PTK7: variants seen among roughly 807,000 people sequenced by gnomAD.
PTK7 encodes the protein protein tyrosine kinase 7 (inactive), also known as inactive tyrosine-protein kinase 7.
Under a neutral mutation model 116.6 loss-of-function variants are expected in PTK7, and 39 were observed. The ratio of observed to expected loss-of-function variants is 0.33; its 90% CI spans 0.26 to 0.44. The LOEUF is 0.44. Among genes scored for constraint, PTK7 ranks in the 20% least tolerant of loss-of-function variants. PTK7 has a pLI of 1.00. For missense variants in PTK7, 1,169 were observed against 1,425.6 expected (o/e 0.82, Z 2.90); for synonymous variants, 546 against 563.6 (o/e 0.97, Z 0.44).
At position 43,129,159 on chromosome 6, in the gene PTK7, G is replaced by T; in HGVS notation, c.262G>T (p.Ala88Ser). Residue 88 changes from alanine (A) to serine (S), a missense_variant, in exon 2 of 20, where the codon GCA (alanine) becomes TCA (serine). By Grantham distance (99) the Ala-to-Ser change is moderately conservative (BLOSUM62 1). Coordinates refer to ENST00000230419, the MANE Select transcript of PTK7 (RefSeq NM_002821.5). This position sits in a 1 kb window ranked among gnomAD's most constrained non-coding sequence, Gnocchi z 4.5. ...RFAQGSSLSF[A>S]AVDRLQDSGT... ...CGCCCAGGGCAGCAGCCTGAGCTTT[G>T]CAGCTGTGGACCGGCTGCAGGACTC... 1 of 1,614,232 alleles carries T rather than the reference G, an allele frequency of 6.2e-7. No individual in the cohort carries two copies. The highest frequency in any genetic ancestry group is 8.5e-7 in the Non-Finnish European group (1 of 1,180,054).
intron 1 of PTK7, among the ~76,000 whole-genome samples, chr6:43,099,874 A>G (rs1767469967): frequency 6.6e-6 from 1 of 151,984 alleles, no homozygotes; most frequent in East Asian, 2.0e-4. Flanking sequence ...GTTCGAGACC[A>G]GCTTTTGAGA....
Position 43,132,146 on chromosome 6 carries a change from G to A in PTK7, c.943G>A (p.Ala315Thr). Reference sequence around the variant, plus strand: ...GAGGGGCCCACCCATCATCCTGGAAGCCACACTTCACCTAGCAGGTGAGTC... The same window carrying A: ...GAGGGGCCCACCCATCATCCTGGAAACCACACTTCACCTAGCAGGTGAGTC... ...GQRGPPIILE[A>T]TLHLAEIEDM... Residue 315 changes from alanine (A) to threonine (T), a missense_variant, in exon 6 of 20, where the codon GCC becomes ACC. This residue lies in a region of PTK7 where 487 missense variants were observed against 549.8 expected (regional missense o/e 0.89). Transcript: ENST00000230419. 6.2e-7 allele frequency: 1 copy of A among 1,611,150 alleles called. No homozygotes were observed. Among genetic ancestry groups the A allele is most frequent in the Non-Finnish European group, 8.5e-7 (1 of 1,177,762 alleles).
chr6:43,131,601 G>A (rs993160017), intron 5 of PTK7: 9 of 221,736 alleles, frequency 4.1e-5, no homozygotes, highest in African/African-American at 1.2e-4. Context: ...ATCAGATCTC[G>A]TGAGACTTGT....
rs373692805 is a variant in PTK7, at chr6:43,145,270, G to C, written c.2478G>C (p.Leu826=). The C allele has an allele frequency of 6.2e-7, 1 of 1,613,900 alleles. No homozygotes were observed. Among genetic ancestry groups the C allele is most frequent in the African/African-American group, 1.3e-5 (1 of 74,914 alleles). ...QGLEEGVAET[L]VLVKSLQSKD... ...TGGAGGAGGGAGTGGCAGAGACCCT[G>C]GTACTTGTGAAGAGCCTGCAGAGCA... The change falls in exon 16 of 20, where the codon CTG becomes CTC. Residue 826 remains leucine (L), a synonymous_variant. Coordinates refer to ENST00000230419, the MANE Select transcript of PTK7 (RefSeq NM_002821.5). The surrounding 1 kb of genome is among the most constrained non-coding windows in gnomAD (Gnocchi z 4.8).
At chr6:43,111,854 T>TA (rs397733741) in intron 1 of PTK7, among the ~76,000 whole-genome samples, 10 of 150,486 alleles carry the variant, frequency 6.6e-5, no homozygotes, top group Non-Finnish European at 1.3e-4. Context: ...TTTTTTTTTT[T>TA]AATATTTAGT....
Position 43,141,573 on chromosome 6 carries a change from G to A in PTK7, c.1619-95G>A, listed in dbSNP as rs1423350603. ...TTGCCTGTGGGTGGTCAGGAGCGAT[G>A]GTGTGTTTTTGAGTAGAGGTGAGGG... is the stretch of plus-strand genomic sequence containing the variant. On this transcript the variant is annotated intron_variant, in intron 10 of 19. Transcript: ENST00000230419. This position sits in a 1 kb window ranked among gnomAD's most constrained non-coding sequence, Gnocchi z 4.9. The A allele has an allele frequency of 7.0e-6, 10 of 1,425,202 alleles. No homozygotes were observed. The highest frequency in any genetic ancestry group is 9.6e-6 in the Non-Finnish European group (10 of 1,041,192). The allele number at this position is 1,425,202 out of a possible 1,614,324, so 88.3% of individuals were successfully genotyped here.
chr6:43,120,019 T>C (rs909670713), intron 1 of PTK7, among the ~76,000 whole-genome samples: 1 of 152,164 alleles, frequency 6.6e-6, no homozygotes. Flanking sequence ...AGGCAGACTT[T>C]TGTGTGTCTA....
intron 1 of PTK7, among the ~76,000 whole-genome samples, chr6:43,077,400 A>G (rs1245107662): frequency 6.6e-6 from 1 of 152,210 alleles, no homozygotes; most frequent in Non-Finnish European, 1.5e-5. Flanking sequence ...GAAGAAAGGC[A>G]AAAAGAGCTC....
intron 1 of PTK7, among the ~76,000 whole-genome samples, chr6:43,104,772 C>T (rs1010024098): frequency 2.0e-5 from 3 of 149,534 alleles, no homozygotes; most frequent in African/African-American, 4.9e-5. Flanking sequence ...AGATATTAAG[C>T]ATCAGTGTTG....
intron 1 of PTK7, among the ~76,000 whole-genome samples, chr6:43,118,626 T>TCC (rs1768713445): frequency 1.6e-5 from 1 of 61,562 alleles, no homozygotes; most frequent in African/African-American, 8.8e-5. Context: ...TTAACCTCTC[T>TCC]CTCTCTCTCT....
At position 43,129,930 on chromosome 6, in the gene PTK7, A is replaced by T. The variant is rs779856229; in HGVS notation, c.470+101A>T. 6 of 1,170,352 alleles carry T rather than the reference A, an allele frequency of 5.1e-6. No individual in the cohort carries two copies. The highest frequency in any genetic ancestry group is 2.0e-5 in the Admixed American group (1 of 50,432). The allele number at this position is 1,170,352 out of a possible 1,614,324, so 72.5% of individuals were successfully genotyped here. The stretch of plus-strand genomic sequence containing the variant: ...GGATGTTACCTCGCTCCATTCTGTG[A>T]CCACTCGTTCCACCACCACAGTGCT... On this transcript the variant is annotated intron_variant, in intron 3 of 19. Coordinates refer to ENST00000230419, the MANE Select transcript of PTK7 (RefSeq NM_002821.5). This position sits in a 1 kb window ranked among gnomAD's most constrained non-coding sequence, Gnocchi z 4.5.
intron 1 of PTK7, among the ~76,000 whole-genome samples, chr6:43,090,547 G>T (rs114066543): frequency 0.013 from 2,031 of 152,286 alleles, 48 homozygotes; most frequent in African/African-American, 0.045. Context: ...AGGGTTTATG[G>T]TTAGGTGGGT....
intron 10 of PTK7, among the ~76,000 whole-genome samples, chr6:43,140,674 G>C (rs187489264): frequency 6.6e-6 from 1 of 152,002 alleles, no homozygotes; most frequent in Non-Finnish European, 1.5e-5. Flanking sequence ...GATCGCTTGA[G>C]CCCAGGAGTT....
At chr6:43,152,734 T>TTTATGTTATGTTATG (rs59689086) in intron 17 of PTK7, among the ~76,000 whole-genome samples, 3,191 of 144,150 alleles carry the variant, frequency 0.022, 54 homozygotes, top group Admixed American at 0.025. Context: ...TTTTATTTTA[T>TTTATGTTATGTTATG]TTATGTTATG....
intron 1 of PTK7, among the ~76,000 whole-genome samples, chr6:43,081,467 C>T (rs1177432398): frequency 6.6e-6 from 1 of 152,114 alleles, no homozygotes; most frequent in Non-Finnish European, 1.5e-5. Flanking sequence ...GGCATTGGCA[C>T]GATCTTGGTT....
rs1766061584 is a variant in PTK7 at position 43,076,988 on chromosome 6, T to TA, written c.79+423dup. On this transcript the variant is annotated intron_variant, in intron 1 of 19. Transcript: ENST00000230419. This position sits in a 1 kb window ranked among gnomAD's most constrained non-coding sequence, Gnocchi z 5.7. The stretch of plus-strand genomic sequence containing the variant: ...CCCCACCCGGCAGGGTCGGCCCAGG[T>TA]AAGAGTTGCTGGTTTGGGGCCCGAT... 6.8e-7 allele frequency: 1 copy of TA among 1,478,224 alleles called. No homozygotes were observed. The highest frequency in any genetic ancestry group is 2.2e-5 in the Admixed American group (1 of 45,182). 91.6% of individuals were successfully genotyped at this position (1,478,224 alleles called of 1,614,324 possible).
rs771695775 is a variant in PTK7 at position 43,143,367 on chromosome 6, G to T, written c.2048-50G>T. The T allele has an allele frequency of 1.2e-5, 19 of 1,570,422 alleles. No homozygotes were observed. In the Middle Eastern group the frequency reaches 5.1e-4, roughly 42 times the overall value. ...TGGGAGGAGTTAGTAGAGAAGCAGG[G>T]CTTCTTTTGCTTAGCAGCCCCTGCC... On this transcript the variant is annotated intron_variant, in intron 13 of 19. Coordinates refer to ENST00000230419, the MANE Select transcript of PTK7 (RefSeq NM_002821.5). The surrounding 1 kb of genome is among the most constrained non-coding windows in gnomAD (Gnocchi z 4.2).
intron 1 of PTK7, among the ~76,000 whole-genome samples, chr6:43,103,385 G>C (rs1767688129): frequency 6.6e-6 from 1 of 152,048 alleles, no homozygotes. Flanking sequence ...AATCTGAAGT[G>C]GATAAATGTC....
intron 17 of PTK7, among the ~76,000 whole-genome samples, chr6:43,153,264 C>T (rs1041499263): frequency 6.6e-6 from 1 of 151,954 alleles, no homozygotes; most frequent in Admixed American, 6.6e-5. Context: ...GCGCCCGCCA[C>T]CATGCCTGGC....
Sources: allele counts gnomAD v4.1 joint callset (sites outside exome capture counted in the v4.1 genomes callset), GRCh38; gene constraint gnomAD v4.1.1; regional missense constraint gnomAD v4.1.1; non-coding constraint Gnocchi (gnomAD v3.1); transcripts MANE v1.5; gene names NCBI Gene and HGNC (gene_info 2026-07-23, HGNC 2026-07-21).